Variants in MBOAT1 observed in about 807,000 individuals in gnomAD.
The protein encoded by MBOAT1 is membrane bound glycerophospholipid O-acyltransferase 1, also known as membrane-bound glycerophospholipid O-acyltransferase 1.
A neutral mutation model predicts 64.4 loss-of-function variants in MBOAT1; 67 were observed. That is an observed-to-expected ratio of 1.04 (90% CI 0.85 to 1.27). MBOAT1 has a LOEUF of 1.27. MBOAT1 is among the 50% of genes most tolerant of loss of function. MBOAT1 has a pLI of 0.00. For synonymous variants in MBOAT1, 229 were observed against 218.9 expected, an observed-to-expected ratio of 1.05 and a Z score of -0.41; for missense variants, 563 against 604.6, an observed-to-expected ratio of 0.93 and a Z score of 0.72.
chr6:20,191,274 C>T (rs984166086), intron 1 of MBOAT1, among the ~76,000 whole-genome samples: 18 of 152,334 alleles, frequency 1.2e-4, no homozygotes, highest in African/African-American at 3.8e-4. Flanking sequence ...TGCCAAAATG[C>T]TGGCACCATG....
Position 20,184,107 on chromosome 6 carries a change from C to T in MBOAT1, c.99+28029G>A, listed in dbSNP as rs74592647. On this transcript the variant is annotated intron_variant, in intron 1 of 12. Coordinates refer to ENST00000324607, the MANE Select transcript of MBOAT1 (RefSeq NM_001080480.3). ...AGATTTGGTGGGGACACAGCCAAAC[C>T]ATGTTACTCTTCCGTTTAAATTTAA... is the stretch of plus-strand genomic sequence containing the variant. Among the ~76,000 whole-genome samples the T allele has an allele frequency of 7.0e-4, 106 of 152,290 alleles. 1 individual carries two copies. The highest frequency in any genetic ancestry group is 2.5e-3 in the African/African-American group (102 of 41,554).
intron 1 of MBOAT1, among the ~76,000 whole-genome samples, chr6:20,177,586 C>G (rs4712458): frequency 0.75 from 113,888 of 151,252 alleles, 43,296 homozygotes; most frequent in African/African-American, 0.87. Flanking sequence ...ATCATGGCTA[C>G]CACGGTGAAA....
chr6:20,212,124 G>T lies in MBOAT1; in HGVS notation c.99+12C>A. On this transcript the variant is annotated intron_variant, in intron 1 of 12. Coordinates refer to ENST00000324607, the MANE Select transcript of MBOAT1 (RefSeq NM_001080480.3). ...GGGAGCTGGGGTCGCTGCGCTCCCG[G>T]CCTGCAGTTACCTGGTCCAGCGGGA... The T allele has an allele frequency of 6.2e-7, 1 of 1,612,024 alleles. No homozygotes were observed. Among genetic ancestry groups the T allele is most frequent in the Non-Finnish European group, 8.5e-7 (1 of 1,179,036 alleles).
At position 20,168,901 on chromosome 6, in the gene MBOAT1, C is replaced by T. The variant is rs182673141; in HGVS notation, c.100-16132G>A. Among the ~76,000 whole-genome samples the T allele has an allele frequency of 8.5e-5, 10 of 117,370 alleles. No individual in the cohort carries two copies. In the East Asian group the frequency reaches 2.1e-3, roughly 24 times the overall value. 77.0% of individuals were successfully genotyped at this position (117,370 alleles called of 152,430 possible). A position where few individuals can be genotyped will look rare whatever the true frequency, so the allele number is the denominator to read the frequency against. On this transcript the variant is annotated intron_variant, in intron 1 of 12. Transcript: ENST00000324607. ...AGGAGGCAGTAAGTACAAATATCAT[C>T]GGGGTTTTCCCAATGGGTAAAATAA...
At chr6:20,186,412 T>G (rs1159207601) in intron 1 of MBOAT1, among the ~76,000 whole-genome samples, 2 of 152,234 alleles carry the variant, frequency 1.3e-5, no homozygotes, top group Non-Finnish European at 2.9e-5. Flanking sequence ...AAAACCCATG[T>G]GCCCTGGGTG....
chr6:20,128,451 C>T (rs752370767), intron 6 of MBOAT1, among the ~76,000 whole-genome samples: 20 of 152,198 alleles, frequency 1.3e-4, no homozygotes, highest in Admixed American at 1.3e-4. Flanking sequence ...GATTCTACTT[C>T]TGAGACTCTA....
chr6:20,177,116 C>T (rs2052709722), intron 1 of MBOAT1, among the ~76,000 whole-genome samples: 1 of 152,192 alleles, frequency 6.6e-6, no homozygotes, highest in Non-Finnish European at 1.5e-5. Context: ...GAAAACAGCA[C>T]TAAAGACCTC....
At chr6:20,192,675 A>G (rs1762834360) in intron 1 of MBOAT1, among the ~76,000 whole-genome samples, 1 of 152,234 alleles carries the variant, frequency 6.6e-6, no homozygotes. Context: ...TGTTGCCTAA[A>G]GAGCGCACTA....
intron 8 of MBOAT1, among the ~76,000 whole-genome samples, chr6:20,120,748 G>T (rs1434801133): frequency 1.3e-5 from 2 of 152,170 alleles, no homozygotes; most frequent in African/African-American, 2.4e-5. Context: ...AACCTGAGCA[G>T]GTAAGAGCCA....
At chr6:20,175,322 G>T (rs1476139699) in intron 1 of MBOAT1, among the ~76,000 whole-genome samples, 1 of 151,904 alleles carries the variant, frequency 6.6e-6, no homozygotes, top group African/African-American at 2.4e-5. Flanking sequence ...GAGATTATAG[G>T]TCACTGTAAC....
At chr6:20,126,009 T>C (rs1760638557) in intron 7 of MBOAT1, 1 of 277,052 alleles carries the variant, frequency 3.6e-6, no homozygotes, top group African/African-American at 2.3e-5. Flanking sequence ...TCAGTTAAGT[T>C]TTAAAATATT....
intron 1 of MBOAT1, among the ~76,000 whole-genome samples, chr6:20,187,500 C>T (rs1457451811): frequency 6.6e-6 from 1 of 152,242 alleles, no homozygotes; most frequent in African/African-American, 2.4e-5. Flanking sequence ...TCACCTTCTC[C>T]TTCCCACTTT....
chr6:20,171,224 T>C (rs956157930), intron 1 of MBOAT1, among the ~76,000 whole-genome samples: 1 of 152,058 alleles, frequency 6.6e-6, no homozygotes, highest in Non-Finnish European at 1.5e-5. Flanking sequence ...CTCTAATATA[T>C]AGGTGTCATT....
intron 1 of MBOAT1, among the ~76,000 whole-genome samples, chr6:20,206,122 G>A (rs898394383): frequency 1.3e-5 from 2 of 152,082 alleles, no homozygotes; most frequent in Admixed American, 1.3e-4. Context: ...GCCAAGGTCA[G>A]AAGCAGCAGG....
rs1759785702 is a variant in MBOAT1 at position 20,101,527 on chromosome 6, G to A, written c.*759C>T. On this transcript the variant is annotated 3_prime_UTR_variant, in exon 13 of 13. Coordinates refer to ENST00000324607, the MANE Select transcript of MBOAT1 (RefSeq NM_001080480.3). ...AAACCAGTAATGTCACAAGTCAAAG[G>A]GTCTGGGGCTTCCCAGGGAACCACT... is the stretch of plus-strand genomic sequence containing the variant. 6.6e-6 allele frequency among the ~76,000 whole-genome samples: 1 copy of A among 152,140 alleles called. No individual in the cohort carries two copies. Among genetic ancestry groups the A allele is most frequent in the Non-Finnish European group, 1.5e-5 (1 of 68,030 alleles).
intron 1 of MBOAT1, among the ~76,000 whole-genome samples, chr6:20,179,008 C>T (rs1384414224): frequency 1.3e-5 from 2 of 151,622 alleles, no homozygotes; most frequent in Admixed American, 6.6e-5. Flanking sequence ...CAAACGTGTG[C>T]CATGGTGATT....
At position 20,109,674 on chromosome 6, in the gene MBOAT1, C is replaced by T. The variant is rs200104220; in HGVS notation, c.1285G>A (p.Val429Ile). 6.3e-5 allele frequency: 102 copies of T among 1,614,140 alleles called. No homozygotes were observed. Among genetic ancestry groups the T allele is most frequent in the Admixed American group, 1.8e-4 (11 of 60,014 alleles). ...GTGTAAGAGACAGCCAGCTGAGTGA[C>T]GGCCCAGGTGCCTGCATCATACACA... ...KAVYDAGTWAVTQLAVSYTVA... is the reference protein window; with the variant it reads ...KAVYDAGTWAITQLAVSYTVA... The change falls in exon 12 of 13, where the codon GTC (valine) becomes ATC (isoleucine). Residue 429 changes from valine (V) to isoleucine (I), a missense_variant. Coordinates refer to ENST00000324607, the MANE Select transcript of MBOAT1 (RefSeq NM_001080480.3).
Position 20,151,230 on chromosome 6 carries a change from A to G in MBOAT1, c.278T>C (p.Met93Thr), listed in dbSNP as rs1761484452. Reference protein sequence around the residue: ...YSVHLFVLVLMCYAIMVTASV... With the variant: ...YSVHLFVLVLTCYAIMVTASV... ...AGCAGTGACCATGATTGCATAGCAC[A>G]TTAACACCAGCACAAAAAGATGCAC... Residue 93 changes from methionine (M) to threonine (T), a missense_variant, in exon 3 of 13, where the codon ATG becomes ACG. Transcript: ENST00000324607. 6.2e-7 allele frequency: 1 copy of G among 1,613,510 alleles called. No individual in the cohort carries two copies. The highest frequency in any genetic ancestry group is 8.5e-7 in the Non-Finnish European group (1 of 1,179,608).
chr6:20,158,595 C>T (rs981529130), intron 1 of MBOAT1, among the ~76,000 whole-genome samples: 7 of 152,136 alleles, frequency 4.6e-5, no homozygotes, highest in South Asian at 2.1e-4. Context: ...CAAACTAAAA[C>T]GGCTTCTGTG....
Sources: gnomAD v4.1 joint callset for allele counts (sites outside exome capture counted in the v4.1 genomes callset) on GRCh38, gnomAD v4.1.1 for gene constraint, MANE v1.5 for transcripts, NCBI Gene and HGNC (gene_info 2026-07-23, HGNC 2026-07-21) for gene names.